Variants in MAGI2 observed in about 807,000 individuals in gnomAD.
The protein encoded by MAGI2 is membrane-associated guanylate kinase, WW and PDZ domain-containing protein 2.
Under a neutral mutation model 133.3 loss-of-function variants are expected in MAGI2, and 35 were observed. The ratio of observed to expected loss-of-function variants is 0.26; its 90% confidence interval spans 0.20 to 0.35. MAGI2 has a LOEUF of 0.35. Ranked by LOEUF, MAGI2 falls within the 10% of genes least tolerant of loss-of-function variation. The probability of loss-of-function intolerance (pLI) is 1.00; values close to 1 mark genes in which losing one functional copy is unlikely to be tolerated. For synonymous variants in MAGI2, 729 were observed against 710.6 expected (o/e 1.03, Z -0.41); for missense variants, 1,636 against 1,863.4 (o/e 0.88, Z 2.25).
intron 9 of MAGI2, among the ~76,000 whole-genome samples, chr7:78,292,660 A>G (rs1325560639): frequency 6.6e-6 from 1 of 152,262 alleles, no homozygotes; most frequent in African/African-American, 2.4e-5. Context: ...AGCTGGAGGC[A>G]TCAGACTACC....
At chr7:78,832,397 A>G (rs1301064389) in intron 2 of MAGI2, among the ~76,000 whole-genome samples, 1 of 152,192 alleles carries the variant, frequency 6.6e-6, no homozygotes, top group Non-Finnish European at 1.5e-5. Context: ...ATCCTCCTTT[A>G]TAAGGAAATT....
intron 1 of MAGI2, among the ~76,000 whole-genome samples, chr7:79,295,422 G>A (rs567481091): frequency 2.6e-5 from 4 of 152,054 alleles, no homozygotes; most frequent in African/African-American, 9.7e-5. Context: ...TCCAATGGAA[G>A]AAATAATAAA....
At chr7:78,841,776 T>A (rs117173107) in intron 2 of MAGI2, among the ~76,000 whole-genome samples, 60 of 152,134 alleles carry the variant, frequency 3.9e-4, no homozygotes, top group Non-Finnish European at 7.1e-4. Context: ...ATTCCTGTTG[T>A]GTGGAAGATG....
chr7:78,950,889 C>A (rs2363925), intron 2 of MAGI2, among the ~76,000 whole-genome samples: 140,446 of 151,826 alleles, frequency 0.93, 64,962 homozygotes, highest in East Asian at 1. Context: ...TGTGAGTGAC[C>A]CTATAAAGTT....
intron 1 of MAGI2, among the ~76,000 whole-genome samples, chr7:79,325,641 G>C (rs935028902): frequency 6.6e-6 from 1 of 152,142 alleles, no homozygotes; most frequent in Non-Finnish European, 1.5e-5. Context: ...TACAGCAGCA[G>C]ATGCACCAAA....
chr7:78,054,947 T>C lies in MAGI2; in HGVS notation c.3706+24000A>G, dbSNP rs571673025. On this transcript the variant is annotated intron_variant, in intron 21 of 21. Transcript: ENST00000354212. ...GGATTACAGGTGTGAGCCACTATGG[T>C]TGACCTTAACCTTATTTCTTTTTCT... is the stretch of plus-strand genomic sequence containing the variant. 2.0e-5 allele frequency among the ~76,000 whole-genome samples: 3 copies of C among 152,216 alleles called. No homozygotes were observed. The South Asian group carries it at 6.2e-4, about 32-fold the overall frequency.
chr7:78,681,444 C>T (rs1815650451), intron 2 of MAGI2, among the ~76,000 whole-genome samples: 4 of 152,116 alleles, frequency 2.6e-5, no homozygotes, highest in African/African-American at 9.7e-5. Flanking sequence ...TTATATATTA[C>T]ACAACCATAT....
intron 10 of MAGI2, among the ~76,000 whole-genome samples, chr7:78,245,160 G>C (rs139895160): frequency 6.6e-6 from 1 of 152,162 alleles, no homozygotes; most frequent in Non-Finnish European, 1.5e-5. Context: ...AAAAAATTAC[G>C]AGAAACACTA....
intron 1 of MAGI2, among the ~76,000 whole-genome samples, chr7:79,150,012 A>G (rs913103634): frequency 3.3e-5 from 5 of 152,120 alleles, no homozygotes; most frequent in Admixed American, 1.3e-4. Context: ...ATCAGGAGAT[A>G]AAGTGTAAGA....
At chr7:78,266,665 C>T (rs1405029727) in intron 9 of MAGI2, among the ~76,000 whole-genome samples, 1 of 151,998 alleles carries the variant, frequency 6.6e-6, no homozygotes, top group Non-Finnish European at 1.5e-5. Context: ...GCAACCTCCA[C>T]CTCCCGGGTT....
intron 1 of MAGI2, among the ~76,000 whole-genome samples, chr7:79,299,662 G>A (rs1376191303): frequency 6.8e-6 from 1 of 147,182 alleles, no homozygotes; most frequent in Non-Finnish European, 1.5e-5. Context: ...GGTTCAAAAA[G>A]ATTCACTAAA....
At chr7:78,987,760 G>A (rs1294458890) in intron 2 of MAGI2, among the ~76,000 whole-genome samples, 1 of 151,878 alleles carries the variant, frequency 6.6e-6, no homozygotes, top group East Asian at 1.9e-4. Flanking sequence ...AGCATGTCAA[G>A]TTGATGTGTT....
intron 7 of MAGI2, among the ~76,000 whole-genome samples, chr7:78,362,256 T>C (rs1792900222): frequency 1.3e-5 from 2 of 152,128 alleles, no homozygotes; most frequent in South Asian, 4.1e-4. Flanking sequence ...AAGCCGAGAT[T>C]GCACCACTGT....
chr7:79,126,161 T>TA (rs1820390200), intron 1 of MAGI2, among the ~76,000 whole-genome samples: 1 of 152,134 alleles, frequency 6.6e-6, no homozygotes, highest in South Asian at 2.1e-4. Context: ...AATGTACCTT[T>TA]AAAAAAATAG....
intron 1 of MAGI2, among the ~76,000 whole-genome samples, chr7:79,260,076 T>C (rs1451969182): frequency 6.6e-6 from 1 of 152,236 alleles, no homozygotes; most frequent in Non-Finnish European, 1.5e-5. Context: ...AGTACAAGGC[T>C]GGGCATGGTG....
intron 1 of MAGI2, among the ~76,000 whole-genome samples, chr7:79,109,515 C>T (rs1818734312): frequency 6.6e-6 from 1 of 152,156 alleles, no homozygotes; most frequent in Non-Finnish European, 1.5e-5. Flanking sequence ...CAAGCTGTAG[C>T]CTGACTGCTT....
At chr7:78,268,658 A>C (rs1794257512) in intron 9 of MAGI2, among the ~76,000 whole-genome samples, 1 of 152,186 alleles carries the variant, frequency 6.6e-6, no homozygotes, top group African/African-American at 2.4e-5. Flanking sequence ...AAGCTTATAA[A>C]ATTTCAAGGT....
chr7:78,529,026 C>G (rs1285993420), intron 3 of MAGI2, among the ~76,000 whole-genome samples: 1 of 151,666 alleles, frequency 6.6e-6, no homozygotes, highest in Non-Finnish European at 1.5e-5. Flanking sequence ...TCTTAACAAA[C>G]CCCACCTAAG....
At chr7:78,437,488 A>G (rs962112118) in intron 6 of MAGI2, among the ~76,000 whole-genome samples, 2 of 152,206 alleles carry the variant, frequency 1.3e-5, no homozygotes, top group East Asian at 1.9e-4. Context: ...GTTTGAAAAT[A>G]AAATTTTGCT....
Sources: gnomAD v4.1 joint callset for allele counts (sites outside exome capture counted in the v4.1 genomes callset) on GRCh38, gnomAD v4.1.1 for gene constraint, MANE v1.5 for transcripts, NCBI Gene and HGNC (gene_info 2026-07-23, HGNC 2026-07-21) for gene names.